LRRC4C: variants seen among roughly 807,000 people sequenced by gnomAD.
The protein encoded by LRRC4C is leucine-rich repeat-containing protein 4C.
In LRRC4C, 5 loss-of-function variants were observed where a neutral mutation model predicts 33.6. That is an observed-to-expected ratio of 0.15 (90% CI 0.08 to 0.31). LRRC4C has a LOEUF of 0.31. Among genes scored for constraint, LRRC4C ranks in the 10% least tolerant of loss-of-function variants. LRRC4C has a pLI of 1.00. For synonymous variants in LRRC4C, 329 were observed against 302.0 expected (o/e 1.09, Z -0.93); for missense variants, 560 against 796.7 (o/e 0.70, Z 3.58).
chr11:41,079,296 G>T (rs1205198899), intron 1 of LRRC4C, among the ~76,000 whole-genome samples: 1 of 152,148 alleles, frequency 6.6e-6, no homozygotes, highest in Non-Finnish European at 1.5e-5. Context: ...ATCATATTTG[G>T]CATGGAGAAG....
chr11:41,081,147 T>C (rs1939540267), intron 1 of LRRC4C, among the ~76,000 whole-genome samples: 1 of 152,154 alleles, frequency 6.6e-6, no homozygotes, highest in African/African-American at 2.4e-5. Context: ...GTTTTCTTAA[T>C]GGAAAGTTGT....
chr11:40,678,081 G>A (rs187779835), intron 2 of LRRC4C, among the ~76,000 whole-genome samples: 56 of 151,956 alleles, frequency 3.7e-4, no homozygotes, highest in Middle Eastern at 6.8e-3. Flanking sequence ...TATCTTGGGG[G>A]TAGGGTGGGT....
At chr11:40,361,160 G>T (rs1947930458) in intron 3 of LRRC4C, among the ~76,000 whole-genome samples, 1 of 152,246 alleles carries the variant, frequency 6.6e-6, no homozygotes, top group East Asian at 1.9e-4. Flanking sequence ...GCAAAACCTG[G>T]AAGCATTCCC....
intron 3 of LRRC4C, among the ~76,000 whole-genome samples, chr11:40,405,058 C>T (rs1057105870): frequency 1.3e-5 from 2 of 151,862 alleles, no homozygotes; most frequent in Non-Finnish European, 2.9e-5. Context: ...CTTATTTGTT[C>T]CTTTTATTTC....
chr11:40,442,429 A>G (rs1951438864), intron 3 of LRRC4C, among the ~76,000 whole-genome samples: 2 of 152,306 alleles, frequency 1.3e-5, no homozygotes, highest in South Asian at 4.1e-4. Flanking sequence ...CTTAGGCAGC[A>G]AAACCACTCC....
intron 2 of LRRC4C, among the ~76,000 whole-genome samples, chr11:40,829,503 T>A (rs1952313446): frequency 6.6e-6 from 1 of 152,016 alleles, no homozygotes; most frequent in African/African-American, 2.4e-5. Context: ...TGAATATAGC[T>A]AAAGGCTGCT....
At chr11:40,274,288 A>G (rs1942928065) in intron 4 of LRRC4C, among the ~76,000 whole-genome samples, 1 of 151,972 alleles carries the variant, frequency 6.6e-6, no homozygotes, top group Non-Finnish European at 1.5e-5. Context: ...GGCCACATCC[A>G]GGGCTTCCCT....
At chr11:41,089,301 G>A (rs1422813521) in intron 1 of LRRC4C, among the ~76,000 whole-genome samples, 2 of 151,900 alleles carry the variant, frequency 1.3e-5, no homozygotes, top group Non-Finnish European at 2.9e-5. Flanking sequence ...CACTTGATCG[G>A]TAGTCTAGAG....
At chr11:40,214,197 A>G (rs143426682) in intron 5 of LRRC4C, among the ~76,000 whole-genome samples, 11 of 152,236 alleles carry the variant, frequency 7.2e-5, no homozygotes, top group Non-Finnish European at 1.6e-4. Flanking sequence ...TTCCTTATAT[A>G]AGAGCATGTA....
intron 3 of LRRC4C, among the ~76,000 whole-genome samples, chr11:40,437,485 C>A (rs1218858472): frequency 2.0e-5 from 3 of 151,704 alleles, no homozygotes; most frequent in African/African-American, 7.3e-5. Flanking sequence ...CCTCTGCCCG[C>A]CATGTTCCAG....
At chr11:41,349,741 G>T (rs1156558075) in intron 1 of LRRC4C, among the ~76,000 whole-genome samples, 1 of 152,118 alleles carries the variant, frequency 6.6e-6, no homozygotes, top group Non-Finnish European at 1.5e-5. Flanking sequence ...AAGAACTCCG[G>T]CAACTCTAAA....
At position 40,501,715 on chromosome 11, in the gene LRRC4C, G is replaced by A. The variant is rs550664668; in HGVS notation, c.-270+146427C>T. Among the ~76,000 whole-genome samples the A allele has an allele frequency of 2.0e-5, 3 of 152,220 alleles. No individual in the cohort carries two copies. In the East Asian group the frequency reaches 5.8e-4, roughly 30 times the overall value. ...CCACAAGACCATTTTTTCCTCCTAG[G>A]CCTCTGGGTCTGTGATGGGAGGGGC... is the stretch of plus-strand genomic sequence containing the variant. On this transcript the variant is annotated intron_variant, in intron 3 of 6. Transcript: ENST00000528697.
chr11:40,450,495 A>T (rs1222366860), intron 3 of LRRC4C, among the ~76,000 whole-genome samples: 1 of 152,114 alleles, frequency 6.6e-6, no homozygotes, highest in Admixed American at 6.6e-5. Context: ...GACAACAATG[A>T]CCTTAAATGA....
chr11:40,915,008 A>C (rs1285336466), intron 2 of LRRC4C, among the ~76,000 whole-genome samples: 3 of 152,240 alleles, frequency 2.0e-5, no homozygotes, highest in Non-Finnish European at 4.4e-5. Context: ...GGACCTCTTC[A>C]AGGAGAACTA....
At chr11:41,402,787 T>C (rs1182860050) in intron 1 of LRRC4C, among the ~76,000 whole-genome samples, 3 of 152,056 alleles carry the variant, frequency 2.0e-5, no homozygotes, top group Non-Finnish European at 4.4e-5. Context: ...TGATAGTTCA[T>C]TGGTCAGGTA....
At position 40,186,040 on chromosome 11, in the gene LRRC4C, G is replaced by A. The variant is rs1167296795; in HGVS notation, c.-95-45187C>T. 3.3e-5 allele frequency among the ~76,000 whole-genome samples: 5 copies of A among 152,110 alleles called. 1 individual carries two copies. Among genetic ancestry groups the A allele is most frequent in the African/African-American group, 1.2e-4 (5 of 41,402 alleles). On this transcript the variant is annotated intron_variant, in intron 5 of 6. Transcript: ENST00000528697. ...CTCTCCTTAGTACTTCCTGCAATCT[G>A]TATTTTGCTTGCTTATTTGTTTATA... is the stretch of plus-strand genomic sequence containing the variant.
intron 3 of LRRC4C, among the ~76,000 whole-genome samples, chr11:40,448,987 C>A (rs1951766880): frequency 6.6e-6 from 1 of 152,156 alleles, no homozygotes; most frequent in South Asian, 2.1e-4. Flanking sequence ...ATTTGCATTT[C>A]TCTAATGACT....
At chr11:41,415,252 C>T (rs1470315224) in intron 1 of LRRC4C, among the ~76,000 whole-genome samples, 1 of 152,124 alleles carries the variant, frequency 6.6e-6, no homozygotes, top group Admixed American at 6.6e-5. Flanking sequence ...TAGGCAAGTA[C>T]TTCCTGTAAG....
At chr11:40,575,363 C>A (rs552856830) in intron 3 of LRRC4C, among the ~76,000 whole-genome samples, 1 of 151,150 alleles carries the variant, frequency 6.6e-6, no homozygotes, top group African/African-American at 2.4e-5. Context: ...ATACAACCTT[C>A]GAAATTTGTC....
Sources: allele counts gnomAD v4.1 joint callset (sites outside exome capture counted in the v4.1 genomes callset), GRCh38; gene constraint gnomAD v4.1.1; transcripts MANE v1.5; gene names NCBI Gene and HGNC (gene_info 2026-07-23, HGNC 2026-07-21).